CDH4: variants seen among roughly 807,000 people sequenced by gnomAD.
The protein encoded by CDH4 is cadherin-4.
A neutral mutation model predicts 86.0 loss-of-function variants in CDH4; 33 were observed. That is an observed-to-expected ratio of 0.38 (90% CI 0.29 to 0.51). The LOEUF (loss-of-function observed/expected upper bound fraction) is 0.51, where lower values mean the gene tolerates loss of function less well. CDH4 is among the 20% of genes least tolerant of loss of function. CDH4 has a pLI of 0.86. For missense variants in CDH4, 1,114 were observed against 1,307.4 expected (o/e 0.85, Z 2.28); for synonymous variants, 555 against 549.4 (o/e 1.01, Z -0.14).
intron 11 of CDH4, among the ~76,000 whole-genome samples, chr20:61,926,398 G>T (rs1330526084): frequency 6.6e-6 from 1 of 152,214 alleles, no homozygotes; most frequent in Admixed American, 6.5e-5. Flanking sequence ...ACAGGACGTG[G>T]ACACCCCCCT....
At chr20:61,762,205 C>T (rs1047355196) in intron 3 of CDH4, among the ~76,000 whole-genome samples, 1 of 152,196 alleles carries the variant, frequency 6.6e-6, no homozygotes, top group African/African-American at 2.4e-5. Context: ...GTTCTGTGCC[C>T]ATCACCATTC....
chr20:61,499,812 G>A (rs2085687532), intron 2 of CDH4, among the ~76,000 whole-genome samples: 1 of 152,118 alleles, frequency 6.6e-6, no homozygotes. Flanking sequence ...TCTGCACCTT[G>A]AGCCGGATAC....
At chr20:61,848,216 A>G (rs6061862) in intron 5 of CDH4, among the ~76,000 whole-genome samples, 82,253 of 152,052 alleles carry the variant, frequency 0.54, 22,689 homozygotes, top group Non-Finnish European at 0.6. Flanking sequence ...CAGGCCTCCC[A>G]CACTCCCCAC....
chr20:61,384,171 G>A (rs2084938499), intron 2 of CDH4, among the ~76,000 whole-genome samples: 2 of 152,068 alleles, frequency 1.3e-5, no homozygotes, highest in African/African-American at 4.8e-5. Flanking sequence ...CCAGCCCATT[G>A]ACTCAAATGT....
chr20:61,525,506 G>T (rs2085903331), intron 2 of CDH4, among the ~76,000 whole-genome samples: 1 of 152,140 alleles, frequency 6.6e-6, no homozygotes, highest in South Asian at 2.1e-4. Context: ...CGTGAACCCA[G>T]GAAGTGTTGC....
chr20:61,344,527 T>C (rs2084666412), intron 2 of CDH4, among the ~76,000 whole-genome samples: 1 of 152,248 alleles, frequency 6.6e-6, no homozygotes, highest in African/African-American at 2.4e-5. Context: ...TCTTTTTTCA[T>C]GAATGGCCTC....
At chr20:61,563,980 G>A (rs1600761970) in intron 2 of CDH4, among the ~76,000 whole-genome samples, 1 of 152,124 alleles carries the variant, frequency 6.6e-6, no homozygotes, top group African/African-American at 2.4e-5. Flanking sequence ...CCAGAAATGA[G>A]ACTAATTCTG....
chr20:61,732,086 C>T (rs921768384), intron 2 of CDH4, among the ~76,000 whole-genome samples: 5 of 152,212 alleles, frequency 3.3e-5, no homozygotes, highest in South Asian at 4.1e-4. Context: ...GCTGCAGTGA[C>T]GGTGACTCAC....
At chr20:61,459,528 A>C (rs1221150771) in intron 2 of CDH4, among the ~76,000 whole-genome samples, 1 of 150,744 alleles carries the variant, frequency 6.6e-6, no homozygotes, top group Non-Finnish European at 1.5e-5. Context: ...TTCCCACAGC[A>C]GCTGAGGCCA....
chr20:61,643,630 G>C (rs1180630640), intron 2 of CDH4, among the ~76,000 whole-genome samples: 1 of 152,230 alleles, frequency 6.6e-6, no homozygotes, highest in East Asian at 1.9e-4. Context: ...AATCGGACCA[G>C]GCTTCCTCTT....
intron 4 of CDH4, among the ~76,000 whole-genome samples, chr20:61,806,571 G>GCA (rs1416516918): frequency 4.5e-5 from 5 of 111,726 alleles, no homozygotes; most frequent in South Asian, 2.5e-4. Flanking sequence ...ATGTCCACGC[G>GCA]CACGCACACA....
At chr20:61,632,113 C>T (rs981213436) in intron 2 of CDH4, among the ~76,000 whole-genome samples, 6 of 152,238 alleles carry the variant, frequency 3.9e-5, no homozygotes, top group Non-Finnish European at 7.3e-5. Context: ...CACAGCACAC[C>T]GGGGCAGGCT....
chr20:61,340,733 C>G (rs1484111365), intron 2 of CDH4, among the ~76,000 whole-genome samples: 1 of 152,072 alleles, frequency 6.6e-6, no homozygotes, highest in Non-Finnish European at 1.5e-5. Context: ...CACAGGCACA[C>G]ACCTCCACGC....
chr20:61,735,788 C>G (rs538593617), intron 2 of CDH4, among the ~76,000 whole-genome samples: 143 of 152,310 alleles, frequency 9.4e-4, no homozygotes, highest in African/African-American at 2.3e-3. Flanking sequence ...TTTCCTGGCT[C>G]TTGAATTTCT....
intron 2 of CDH4, among the ~76,000 whole-genome samples, chr20:61,465,363 A>ATTT (rs112215809): frequency 4.7e-5 from 7 of 147,796 alleles, no homozygotes; most frequent in African/African-American, 1.7e-4. Context: ...TGAACCTGGG[A>ATTT]TTTTTTTTTT....
chr20:61,652,782 T>G (rs8125533), intron 2 of CDH4, among the ~76,000 whole-genome samples: 1 of 142,328 alleles, frequency 7.0e-6, no homozygotes, highest in Non-Finnish European at 1.5e-5. Context: ...ATTCATGGGG[T>G]GATTTTTTTC....
chr20:61,620,038 G>C (rs1275611746), intron 2 of CDH4, among the ~76,000 whole-genome samples: 1 of 152,188 alleles, frequency 6.6e-6, no homozygotes, highest in Non-Finnish European at 1.5e-5. Flanking sequence ...AGCCAGGCAG[G>C]GATCACAGCT....
chr20:61,827,071 G>A (rs1371661190), intron 4 of CDH4, among the ~76,000 whole-genome samples: 2 of 151,778 alleles, frequency 1.3e-5, no homozygotes, highest in Non-Finnish European at 2.9e-5. Flanking sequence ...TGTGGGGAAG[G>A]AAGAGGCCAG....
chr20:61,521,721 T>C (rs2085870382), intron 2 of CDH4, among the ~76,000 whole-genome samples: 1 of 151,848 alleles, frequency 6.6e-6, no homozygotes, highest in Admixed American at 6.6e-5. Context: ...AAGAGGGGGG[T>C]GGGTGTGGGC....
Sources: allele counts gnomAD v4.1 joint callset (sites outside exome capture counted in the v4.1 genomes callset), GRCh38; gene constraint gnomAD v4.1.1; transcripts MANE v1.5; gene names NCBI Gene and HGNC (gene_info 2026-07-23, HGNC 2026-07-21).